Variants in PPIC observed in about 807,000 individuals in gnomAD.
PPIC encodes peptidyl-prolyl cis-trans isomerase C.
Under a neutral mutation model 19.5 loss-of-function variants are expected in PPIC, and 19 were observed. The observed-to-expected ratio is 0.98, with a 90% CI of 0.68 to 1.43. The LOEUF is 1.43. Ranked by LOEUF, PPIC falls within the 40% of genes most tolerant of loss-of-function variation. The probability of loss-of-function intolerance (pLI) is 0.00; values close to 1 mark genes in which losing one functional copy is unlikely to be tolerated. For synonymous variants in PPIC, 107 were observed against 101.2 expected (o/e 1.06, Z -0.34); for missense variants, 268 against 268.6 (o/e 1.00, Z 0.02).
At chr5:123,026,008 A>G in intron 3 of PPIC, 40 bp from the exon 4 acceptor site, 2 of 1,528,970 alleles carry the variant, frequency 1.3e-6, no homozygotes, top group Non-Finnish European at 1.8e-6. Flanking sequence ...GATGTCTTCC[A>G]AAAGTCAGCT....
chr5:123,028,590 C>T (rs1055917611), intron 3 of PPIC, 185 bp downstream of exon 3: 24 of 470,680 alleles, frequency 5.1e-5, no homozygotes, highest in Admixed American at 2.3e-4. Context: ...AAAATAAGGA[C>T]GCCTCCCTCA....
chr5:123,031,076 T>G (rs1450049132), intron 1 of PPIC, among the ~76,000 whole-genome samples: 1 of 141,502 alleles, frequency 7.1e-6, no homozygotes, highest in Non-Finnish European at 1.6e-5. Flanking sequence ...TTATTATAAT[T>G]TTTTTCCCCA....
rs1020176701 is a variant in PPIC, at chr5:123,036,086, G to C, written c.117+423C>G. 6.6e-6 allele frequency among the ~76,000 whole-genome samples: 1 copy of C among 152,128 alleles called. No individual in the cohort carries two copies. The highest frequency in any genetic ancestry group is 1.5e-5 in the Non-Finnish European group (1 of 68,000). ...CGGGCGGCTGCAAGCCCTGGGCTCC[G>C]AGCGCCTCTCCTGTGCGGGTCCCGC... On this transcript the variant is annotated intron_variant, in intron 1 of 4. Transcript: ENST00000306442. This position sits in a 1 kb window ranked among gnomAD's most constrained non-coding sequence, Gnocchi z 4.5.
In PPIC at chr5:123,024,007, G is replaced by C. The variant is rs377359324; in HGVS notation, c.511-4C>G. ...GCTCTATGGAGTGCACCACTGTCTG[G>C]TGAGAGAAAAGTAGACACATGGTTT... On this transcript the variant is annotated splice_region_variant and splice_polypyrimidine_tract_variant and intron_variant, in intron 4 of 4. Transcript: ENST00000306442. The C allele has an allele frequency of 1.2e-6, 2 of 1,611,552 alleles. No homozygotes were observed. The highest frequency in any genetic ancestry group is 1.7e-6 in the Non-Finnish European group (2 of 1,178,660).
intron 1 of PPIC, 137 bp from the exon 2 acceptor site, chr5:123,029,555 T>A: frequency 7.2e-7 from 1 of 1,384,436 alleles, no homozygotes; most frequent in African/African-American, 1.5e-5. Flanking sequence ...GAGCATGACA[T>A]CAATTAAAGG....
chr5:123,028,114 C>G (rs1762887287), intron 3 of PPIC, among the ~76,000 whole-genome samples: 1 of 152,220 alleles, frequency 6.6e-6, no homozygotes, highest in Admixed American at 6.5e-5. Context: ...CTGACGAAAC[C>G]ACCACCCTGT....
chr5:123,026,277 G>A (rs1248495524), intron 3 of PPIC, among the ~76,000 whole-genome samples: 1 of 152,136 alleles, frequency 6.6e-6, no homozygotes, highest in Non-Finnish European at 1.5e-5. Flanking sequence ...AAGTGAGAAG[G>A]AACTGAAGGG....
intron 1 of PPIC, among the ~76,000 whole-genome samples, chr5:123,033,895 G>T (rs1242920352): frequency 6.6e-6 from 1 of 152,216 alleles, no homozygotes; most frequent in Admixed American, 6.5e-5. Context: ...CATGGCATTG[G>T]TTCAGAAATA....
At position 123,025,879 on chromosome 5, in the gene PPIC, G is replaced by A; in HGVS notation, c.415C>T (p.Pro139Ser). The change falls in exon 4 of 5, where the codon CCT (proline) becomes TCT (serine). Residue 139 changes from proline to serine, a missense_variant. Coordinates refer to ENST00000306442, the MANE Select transcript of PPIC (RefSeq NM_000943.5). Reference sequence around the variant, plus strand: ...AAGAACTGAGAGCCATTGGTGTCAGGCCCAGCGTTGGCCATGCTGACCCAC... The same window carrying A: ...AAGAACTGAGAGCCATTGGTGTCAGACCCAGCGTTGGCCATGCTGACCCAC... The part of the protein sequence containing the change: ...IGWVSMANAG[P>S]DTNGSQFFIT... 6.2e-7 allele frequency: 1 copy of A among 1,614,060 alleles called. No homozygotes were observed. Among genetic ancestry groups the A allele is most frequent in the Non-Finnish European group, 8.5e-7 (1 of 1,180,000 alleles).
At position 123,025,766 on chromosome 5, in the gene PPIC, A is replaced by G. The variant is rs1361739635; in HGVS notation, c.510+18T>C. ...TAAAAATATAAAGCTTTGAAAGGAA[A>G]AAAATGTATCAATTTACCATCCCAT... On this transcript the variant is annotated intron_variant, in intron 4 of 4. Coordinates refer to ENST00000306442, the MANE Select transcript of PPIC (RefSeq NM_000943.5). 2 of 1,607,174 alleles carry G rather than the reference A, an allele frequency of 1.2e-6. No individual in the cohort carries two copies. The highest frequency in any genetic ancestry group is 2.7e-5 in the African/African-American group (2 of 74,528).
At chr5:123,028,718 G>T in intron 3 of PPIC, 57 bp downstream of exon 3, 1 of 1,409,766 alleles carries the variant, frequency 7.1e-7, no homozygotes, top group Non-Finnish European at 1.0e-6. Flanking sequence ...TTCATATACT[G>T]GCTTAACCTT....
Position 123,023,880 on chromosome 5 carries a change from A to G in PPIC, c.634T>C (p.Trp212Arg). The stretch of plus-strand genomic sequence containing the variant: ...CTTGTTTTCTGCCAGTTGTGTCACC[A>G]ATCAGCGATCTCAACCACAAAAGGC... Reference protein sequence around the residue: ...KTPFVVEIADW With the variant: ...KTPFVVEIADR Residue 212 changes from tryptophan to arginine, a missense_variant, in exon 5 of 5, where the codon TGG (tryptophan) becomes CGG (arginine). Physicochemically the swap from Trp to Arg is moderately radical, Grantham distance 101. Coordinates refer to ENST00000306442, the MANE Select transcript of PPIC (RefSeq NM_000943.5). 6.2e-7 allele frequency: 1 copy of G among 1,613,038 alleles called. No homozygotes were observed. Among genetic ancestry groups the G allele is most frequent in the Non-Finnish European group, 8.5e-7 (1 of 1,179,674 alleles).
intron 3 of PPIC, chr5:123,028,409 C>G (rs1762894111): frequency 5.6e-6 from 1 of 178,544 alleles, no homozygotes; most frequent in African/African-American, 2.4e-5. Context: ...ACGCCCACCT[C>G]TGCCGCACGC....
In PPIC at chr5:123,036,563, C is replaced by T. The variant is rs1027260625; in HGVS notation, c.63G>A (p.Val21=). Reference sequence around the variant, plus strand: ...GGAAGCCCTCGGCCCCCGAAGAAAACACAAGTGCGCCGAGCCCCACGCAAA... The same window carrying T: ...GGAAGCCCTCGGCCCCCGAAGAAAATACAAGTGCGCCGAGCCCCACGCAAA... ...LVLCVGLGAL[V]FSSGAEGFRK... Residue 21 remains valine (V), a synonymous_variant, in exon 1 of 5, where the codon GTG becomes GTA. Coordinates refer to ENST00000306442, the MANE Select transcript of PPIC (RefSeq NM_000943.5). This position sits in a 1 kb window ranked among gnomAD's most constrained non-coding sequence, Gnocchi z 4.5. 21 of 1,602,844 alleles carry T rather than the reference C, an allele frequency of 1.3e-5. No homozygotes were observed. Among genetic ancestry groups the T allele is most frequent in the Non-Finnish European group, 1.6e-5 (19 of 1,176,150 alleles).
intron 1 of PPIC, among the ~76,000 whole-genome samples, chr5:123,035,858 C>T (rs1222303924): frequency 6.6e-6 from 1 of 152,180 alleles, no homozygotes; most frequent in East Asian, 1.9e-4. Context: ...TGGAGGCTGC[C>T]CCAGGTCTAC....
chr5:123,029,164 C>T lies in PPIC; in HGVS notation c.231+141G>A, dbSNP rs776599564. The T allele has an allele frequency of 4.7e-6, 7 of 1,474,092 alleles. No homozygotes were observed. In the South Asian group the frequency reaches 7.5e-5, roughly 16 times the overall value. 91.3% of individuals were successfully genotyped at this position (1,474,092 alleles called of 1,614,324 possible). On this transcript the variant is annotated intron_variant, in intron 2 of 4. Transcript: ENST00000306442. Reference sequence around the variant, plus strand: ...AAGGGCACTGAGTGCCCAAATAATACATATTTAATTGGAAAATAAAGTCAA... The same window carrying T: ...AAGGGCACTGAGTGCCCAAATAATATATATTTAATTGGAAAATAAAGTCAA...
At chr5:123,031,436 G>T (rs1043438665) in intron 1 of PPIC, among the ~76,000 whole-genome samples, 1 of 152,204 alleles carries the variant, frequency 6.6e-6, no homozygotes, top group African/African-American at 2.4e-5. Context: ...AAGGATGGGG[G>T]TGAGCCTTGC....
chr5:123,029,583 G>T (rs966087148), intron 1 of PPIC, among the ~76,000 whole-genome samples, 165 bp from the exon 2 acceptor site: 2 of 152,216 alleles, frequency 1.3e-5, no homozygotes, highest in Non-Finnish European at 2.9e-5. Context: ...AAACTATTGT[G>T]TGGGTGCATT....
At chr5:123,035,377 A>C (rs1762992270) in intron 1 of PPIC, among the ~76,000 whole-genome samples, 1 of 152,154 alleles carries the variant, frequency 6.6e-6, no homozygotes, top group Non-Finnish European at 1.5e-5. Context: ...AAAGTTAGAC[A>C]TGCCTACAAG....
Sources: gnomAD v4.1 joint callset for allele counts (sites outside exome capture counted in the v4.1 genomes callset) on GRCh38, gnomAD v4.1.1 for gene constraint, Gnocchi (gnomAD v3.1) non-coding constraint, MANE v1.5 for transcripts, NCBI Gene and HGNC (gene_info 2026-07-23, HGNC 2026-07-21) for gene names.